The following ADGRL2 variants were observed in gnomAD, a reference collection of about 807,000 sequenced individuals.
ADGRL2 encodes the protein calcium-independent alpha-latrotoxin receptor 2.
A neutral mutation model predicts 157.4 loss-of-function variants in ADGRL2; 44 were observed. The ratio of observed to expected loss-of-function variants is 0.28; its 90% CI spans 0.22 to 0.36. The LOEUF (loss-of-function observed/expected upper bound fraction) is 0.36. Ranked by LOEUF, ADGRL2 falls within the 10% of genes least tolerant of loss-of-function variation. ADGRL2 has a pLI of 1.00. For synonymous variants in ADGRL2, 585 were observed against 624.7 expected, an observed-to-expected ratio of 0.94 and a Z score of 0.95; for missense variants, 1,510 against 1,768.9, an observed-to-expected ratio of 0.85 and a Z score of 2.63.
At chr1:81,694,333 T>G (rs2149002595) in intron 3 of ADGRL2, among the ~76,000 whole-genome samples, 1 of 152,260 alleles carries the variant, frequency 6.6e-6, no homozygotes, top group Non-Finnish European at 1.5e-5. Context: ...GTTACTTAAC[T>G]TCTTTGTGCC....
intron 1 of ADGRL2, among the ~76,000 whole-genome samples, chr1:81,739,084 G>A (rs2149214656): frequency 6.6e-6 from 1 of 152,272 alleles, no homozygotes; most frequent in East Asian, 1.9e-4. Flanking sequence ...ACTCTATTCA[G>A]TATGAACCAA....
intron 3 of ADGRL2, among the ~76,000 whole-genome samples, chr1:81,935,086 T>C (rs2095290537): frequency 6.6e-6 from 1 of 152,030 alleles, no homozygotes; most frequent in Admixed American, 6.6e-5. Context: ...ACTGTAAACC[T>C]ACCTCTTGTC....
intron 2 of ADGRL2, among the ~76,000 whole-genome samples, chr1:81,448,502 G>T (rs932561920): frequency 3.3e-5 from 5 of 151,762 alleles, no homozygotes; most frequent in African/African-American, 1.2e-4. Flanking sequence ...AGCAATGTGA[G>T]AATGAAATAA....
intron 2 of ADGRL2, among the ~76,000 whole-genome samples, chr1:81,887,166 C>CTT (rs1019319509): frequency 1.1e-3 from 166 of 152,298 alleles, no homozygotes; most frequent in African/African-American, 3.8e-3. Flanking sequence ...TTGAGTGTCA[C>CTT]TTGAAGCTTC....
chr1:81,778,073 C>T (rs2086659205), intron 2 of ADGRL2, among the ~76,000 whole-genome samples: 1 of 152,136 alleles, frequency 6.6e-6, no homozygotes, highest in Non-Finnish European at 1.5e-5. Context: ...GTAATCCCAG[C>T]ACTTTGGGAG....
intron 2 of ADGRL2, among the ~76,000 whole-genome samples, chr1:81,518,075 G>A (rs1465187832): frequency 1.3e-5 from 2 of 152,212 alleles, no homozygotes; most frequent in East Asian, 3.8e-4. Context: ...ATTGAGACTA[G>A]GTTTTTAGCG....
chr1:81,674,974 T>A (rs776605258), intron 3 of ADGRL2, among the ~76,000 whole-genome samples: 100 of 152,206 alleles, frequency 6.6e-4, no homozygotes, highest in Non-Finnish European at 1.2e-3. Context: ...GGCCATATCA[T>A]TTTCTCTTTT....
intron 3 of ADGRL2, among the ~76,000 whole-genome samples, chr1:81,643,156 G>A (rs889931268): frequency 6.6e-6 from 1 of 152,132 alleles, no homozygotes; most frequent in Admixed American, 6.5e-5. Context: ...TTTCATTGAT[G>A]ACATGGTAGT....
chr1:81,732,216 T>C (rs563618842), intron 1 of ADGRL2, among the ~76,000 whole-genome samples: 1 of 152,292 alleles, frequency 6.6e-6, no homozygotes, highest in East Asian at 1.9e-4. Context: ...GAGTACAATG[T>C]GAGATCCACC....
intron 1 of ADGRL2, among the ~76,000 whole-genome samples, chr1:81,313,746 A>G (rs539978826): frequency 6.6e-6 from 1 of 152,328 alleles, no homozygotes; most frequent in East Asian, 1.9e-4. Flanking sequence ...CAGGACATGA[A>G]AAAATCAAGA....
chr1:81,443,373 G>T (rs2077543710), intron 1 of ADGRL2, among the ~76,000 whole-genome samples: 1 of 151,738 alleles, frequency 6.6e-6, no homozygotes, highest in African/African-American at 2.4e-5. Flanking sequence ...AACCCAGGAG[G>T]CAGAGGTGAG....
At chr1:81,950,680 C>T (rs187431723) in intron 7 of ADGRL2, among the ~76,000 whole-genome samples, 198 bp downstream of exon 7, 1 of 152,130 alleles carries the variant, frequency 6.6e-6, no homozygotes, top group East Asian at 1.9e-4. Context: ...AATTACCTCT[C>T]CCTTTCAGAG....
intron 2 of ADGRL2, among the ~76,000 whole-genome samples, chr1:81,488,902 A>C (rs891909387): frequency 6.6e-6 from 1 of 152,200 alleles, no homozygotes; most frequent in African/African-American, 2.4e-5. Context: ...GAGAAAGTCA[A>C]TAAAATGATG....
intron 2 of ADGRL2, among the ~76,000 whole-genome samples, chr1:81,762,299 T>G (rs2149310471): frequency 6.6e-6 from 1 of 152,314 alleles, no homozygotes; most frequent in African/African-American, 2.4e-5. Flanking sequence ...ACCGGGGCTT[T>G]GCAGCATCTG....
chr1:81,414,691 G>A (rs533723835), intron 1 of ADGRL2, among the ~76,000 whole-genome samples: 3 of 152,280 alleles, frequency 2.0e-5, no homozygotes, highest in African/African-American at 7.2e-5. Flanking sequence ...TGTCTTGGAC[G>A]TTCATCAGTG....
At chr1:81,351,953 G>A (rs912562072) in intron 1 of ADGRL2, among the ~76,000 whole-genome samples, 1 of 152,206 alleles carries the variant, frequency 6.6e-6, no homozygotes, top group Non-Finnish European at 1.5e-5. Flanking sequence ...TCAGTGGCAG[G>A]TAGCCAAAAC....
chr1:81,419,574 C>T (rs185377302), intron 1 of ADGRL2, among the ~76,000 whole-genome samples: 3 of 152,056 alleles, frequency 2.0e-5, no homozygotes. Context: ...TACTTATTTG[C>T]CAAATGACAA....
At chr1:81,435,991 A>G (rs1375874020) in intron 1 of ADGRL2, among the ~76,000 whole-genome samples, 1 of 152,124 alleles carries the variant, frequency 6.6e-6, no homozygotes, top group Admixed American at 6.5e-5. Context: ...GCTACTCGGG[A>G]GGCTGAGGCA....
chr1:81,556,287 A>G (rs1229824174), intron 2 of ADGRL2, among the ~76,000 whole-genome samples: 1 of 144,422 alleles, frequency 6.9e-6, no homozygotes, highest in African/African-American at 2.6e-5. Context: ...CAAAATCCTC[A>G]TCCCCCGATT....
Sources: allele counts gnomAD v4.1 joint callset (sites outside exome capture counted in the v4.1 genomes callset), GRCh38; gene constraint gnomAD v4.1.1; transcripts MANE v1.5; gene names NCBI Gene and HGNC (gene_info 2026-07-23, HGNC 2026-07-21).